The following ZNF704 variants were observed in gnomAD, a reference collection of about 807,000 sequenced individuals.
The protein encoded by ZNF704 is zinc finger protein 704, also known as glucocorticoid induced gene 1.
A neutral mutation model predicts 44.7 loss-of-function variants in ZNF704; 10 were observed. That is an observed-to-expected ratio of 0.22 (90% CI 0.14 to 0.38). ZNF704 has a LOEUF of 0.38. Among genes scored for constraint, ZNF704 ranks in the 10% least tolerant of loss-of-function variants. The probability of loss-of-function intolerance (pLI) is 1.00; values close to 1 mark genes in which losing one functional copy is unlikely to be tolerated. For synonymous variants in ZNF704, 211 were observed against 207.6 expected (o/e 1.02, Z -0.14); for missense variants, 390 against 545.5 (o/e 0.71, Z 2.84).
At chr8:80,774,252 T>C (rs1362710369) in intron 2 of ZNF704, among the ~76,000 whole-genome samples, 1 of 152,048 alleles carries the variant, frequency 6.6e-6, no homozygotes, top group Admixed American at 6.6e-5. Flanking sequence ...TTTGTTTTGG[T>C]AGAGATGGGG....
intron 2 of ZNF704, among the ~76,000 whole-genome samples, chr8:80,792,763 G>A (rs972328426): frequency 6.6e-6 from 1 of 152,146 alleles, no homozygotes; most frequent in Admixed American, 6.6e-5. Context: ...AAGAACTGAG[G>A]ACCTCAGTCC....
chr8:80,745,518 C>G (rs1806829773), intron 2 of ZNF704, among the ~76,000 whole-genome samples: 2 of 151,988 alleles, frequency 1.3e-5, no homozygotes. Flanking sequence ...TGGATAATGC[C>G]CAGTATCTTA....
chr8:80,830,753 CTTTTTTTTTT>C (rs772059759), intron 1 of ZNF704, among the ~76,000 whole-genome samples: 3 of 89,130 alleles, frequency 3.4e-5, no homozygotes, highest in South Asian at 3.6e-4. Context: ...GTGTTTCTTT[CTTTTTTTTTT>C]TTTTTTTTTT....
chr8:80,750,050 A>G (rs142706978), intron 2 of ZNF704, among the ~76,000 whole-genome samples: 1 of 152,260 alleles, frequency 6.6e-6, no homozygotes, highest in East Asian at 1.9e-4. Context: ...CTAGTTAACT[A>G]TCCCTTAGGC....
chr8:80,730,194 AC>A (rs1806554980), intron 2 of ZNF704, among the ~76,000 whole-genome samples: 1 of 152,154 alleles, frequency 6.6e-6, no homozygotes, highest in Non-Finnish European at 1.5e-5. Flanking sequence ...AAAAGAAGAA[AC>A]ACGTGTGTCC....
intron 7 of ZNF704, among the ~76,000 whole-genome samples, chr8:80,644,415 C>T (rs1223675792): frequency 6.6e-6 from 1 of 152,058 alleles, no homozygotes; most frequent in Non-Finnish European, 1.5e-5. Context: ...AAAGCTGCAA[C>T]AAATTAATTT....
chr8:80,751,249 C>T (rs1441317977), intron 2 of ZNF704, among the ~76,000 whole-genome samples: 1 of 152,110 alleles, frequency 6.6e-6, no homozygotes, highest in African/African-American at 2.4e-5. Context: ...AAGAATGACT[C>T]CCTGGGCCAG....
Position 80,636,173 on chromosome 8 carries a change from G to A in ZNF704, c.*5193C>T, listed in dbSNP as rs1314938879. ...AATCAGTGTATTTCTTGTTTTATTT[G>A]GAAAATTAAGTTATAATTGTTTTTG... On this transcript the variant is annotated 3_prime_UTR_variant, in exon 9 of 9. Coordinates refer to ENST00000327835, the MANE Select transcript of ZNF704 (RefSeq NM_001033723.3). The A allele has an allele frequency of 6.6e-6, 1 of 152,022 alleles. No individual in the cohort carries two copies. The highest frequency in any genetic ancestry group is 1.5e-5 in the Non-Finnish European group (1 of 67,996). The allele number at this position is 152,022 out of a possible 1,614,324, so 9.4% of individuals were successfully genotyped here.
chr8:80,697,026 T>C (rs1818737459), intron 2 of ZNF704, among the ~76,000 whole-genome samples: 1 of 152,216 alleles, frequency 6.6e-6, no homozygotes, highest in Admixed American at 6.5e-5. Flanking sequence ...GAAGTATTCG[T>C]TGTCACTCTA....
At chr8:80,703,299 T>C (rs914992193) in intron 2 of ZNF704, among the ~76,000 whole-genome samples, 1 of 152,012 alleles carries the variant, frequency 6.6e-6, no homozygotes, top group Non-Finnish European at 1.5e-5. Context: ...TTACCCTTAG[T>C]ACTCAGCTCC....
At chr8:80,762,067 C>T (rs1357032648) in intron 2 of ZNF704, among the ~76,000 whole-genome samples, 2 of 152,078 alleles carry the variant, frequency 1.3e-5, no homozygotes, top group East Asian at 3.9e-4. Flanking sequence ...ATGCTTATAC[C>T]CAATGTTGTG....
chr8:80,815,401 T>C (rs545499844), intron 2 of ZNF704, among the ~76,000 whole-genome samples: 1 of 152,236 alleles, frequency 6.6e-6, no homozygotes, highest in Non-Finnish European at 1.5e-5. Flanking sequence ...TTGTAATTGA[T>C]GTTTGGGTGA....
At chr8:80,771,752 T>C (rs910226837) in intron 2 of ZNF704, among the ~76,000 whole-genome samples, 10 of 152,218 alleles carry the variant, frequency 6.6e-5, no homozygotes, top group African/African-American at 2.4e-4. Flanking sequence ...AATGACAATA[T>C]TGAGGCCAGA....
Position 80,692,994 on chromosome 8 carries a change from C to G in ZNF704, c.325+10G>C. On this transcript the variant is annotated intron_variant, in intron 3 of 8. Coordinates refer to ENST00000327835, the MANE Select transcript of ZNF704 (RefSeq NM_001033723.3). The stretch of plus-strand genomic sequence containing the variant: ...GGGGCCCTTCCCTAAGTCCCATATC[C>G]TGGGCTTACCGTTCGGCCGCACGGG... 1 of 1,613,792 alleles carries G rather than the reference C, an allele frequency of 6.2e-7. No individual in the cohort carries two copies. The highest frequency in any genetic ancestry group is 1.1e-5 in the South Asian group (1 of 91,024).
At chr8:80,786,310 T>C (rs1251325967) in intron 2 of ZNF704, among the ~76,000 whole-genome samples, 4 of 152,068 alleles carry the variant, frequency 2.6e-5, no homozygotes, top group Non-Finnish European at 2.9e-5. Flanking sequence ...TTCATGTGAG[T>C]TGCTTAAGTG....
chr8:80,795,929 T>C (rs1807793752), intron 2 of ZNF704, among the ~76,000 whole-genome samples: 1 of 152,082 alleles, frequency 6.6e-6, no homozygotes, highest in Admixed American at 6.5e-5. Context: ...CTCTTGTGGG[T>C]AGAATGGGGC....
chr8:80,882,898 T>C, the ZNF704 span, among the ~76,000 whole-genome samples: 1 of 152,034 alleles, frequency 6.6e-6, no homozygotes, highest in African/African-American at 2.4e-5. Flanking sequence ...CTTTCTGTAT[T>C]TTAATTAATA....
chr8:80,796,688 GGACATTCCCATTT>G (rs1807806300), intron 2 of ZNF704, among the ~76,000 whole-genome samples: 1 of 152,070 alleles, frequency 6.6e-6, no homozygotes, highest in African/African-American at 2.4e-5. Flanking sequence ...GGCATAGAGT[GGACATTCCCATTT>G]GAAAAGGAAG....
chr8:80,656,862 T>G (rs889120460), intron 7 of ZNF704, among the ~76,000 whole-genome samples: 2 of 152,192 alleles, frequency 1.3e-5, no homozygotes, highest in East Asian at 1.9e-4. Flanking sequence ...ATTTTTTTTT[T>G]GAAAAGCATT....
Sources: gnomAD v4.1 joint callset for allele counts (sites outside exome capture counted in the v4.1 genomes callset) on GRCh38, gnomAD v4.1.1 for gene constraint, MANE v1.5 for transcripts, NCBI Gene and HGNC (gene_info 2026-07-23, HGNC 2026-07-21) for gene names.